COBL: variants seen among roughly 807,000 people sequenced by gnomAD.
COBL encodes cordon-bleu WH2 repeat protein.
In COBL, 51 loss-of-function variants were observed where a neutral mutation model predicts 98.8. The ratio of observed to expected loss-of-function variants is 0.52; its 90% CI spans 0.41 to 0.65. The LOEUF (loss-of-function observed/expected upper bound fraction) is 0.65. COBL is among the 30% of genes least tolerant of loss of function. COBL has a pLI of 0.00. For synonymous variants in COBL, 634 were observed against 651.7 expected (o/e 0.97, Z 0.41); for missense variants, 1,617 against 1,617.5 (o/e 1.00, Z 0.01).
intron 1 of COBL, among the ~76,000 whole-genome samples, chr7:51,251,382 G>A (rs780337303): frequency 6.6e-6 from 1 of 152,230 alleles, no homozygotes; most frequent in African/African-American, 2.4e-5. Flanking sequence ...TTGTTGGTGA[G>A]AGAGGATTCT....
At chr7:51,087,177 T>TTTCCTC (rs1794362703) in intron 6 of COBL, among the ~76,000 whole-genome samples, 1 of 149,678 alleles carries the variant, frequency 6.7e-6, no homozygotes, top group Non-Finnish European at 1.5e-5. Context: ...GACTCATACT[T>TTTCCTC]TTCCTCTCCA....
chr7:51,109,147 A>C (rs1015181381), intron 6 of COBL, among the ~76,000 whole-genome samples: 2 of 152,068 alleles, frequency 1.3e-5, no homozygotes, highest in Non-Finnish European at 2.9e-5. Flanking sequence ...CCCTCCTTGC[A>C]CTATGCGAGT....
chr7:51,117,055 G>C (rs1053051521), intron 6 of COBL, among the ~76,000 whole-genome samples: 3 of 151,556 alleles, frequency 2.0e-5, no homozygotes, highest in African/African-American at 7.3e-5. Flanking sequence ...TTTACATTAG[G>C]TATATCTCCT....
intron 5 of COBL, among the ~76,000 whole-genome samples, chr7:51,174,936 C>T (rs141560927): frequency 3.2e-4 from 48 of 152,288 alleles, no homozygotes; most frequent in African/African-American, 1.1e-3. Context: ...CAGAGTGCTC[C>T]TCACAACAGC....
At chr7:51,178,367 G>C (rs1466241502) in intron 5 of COBL, among the ~76,000 whole-genome samples, 7 of 152,130 alleles carry the variant, frequency 4.6e-5, no homozygotes, top group Admixed American at 4.6e-4. Flanking sequence ...AAGATTTATA[G>C]AAAACTTATC....
intron 1 of COBL, among the ~76,000 whole-genome samples, chr7:51,239,736 G>A (rs1482099738): frequency 6.6e-6 from 1 of 152,116 alleles, no homozygotes; most frequent in Non-Finnish European, 1.5e-5. Context: ...CACAGCCTCT[G>A]CCCAGCTCCA....
At chr7:51,127,588 G>A (rs1031750049) in intron 6 of COBL, among the ~76,000 whole-genome samples, 1 of 152,204 alleles carries the variant, frequency 6.6e-6, no homozygotes, top group Non-Finnish European at 1.5e-5. Context: ...TGTGTTCAAG[G>A]CAGACTTTTG....
At chr7:51,044,082 TAG>T (rs1371216339) in intron 7 of COBL, among the ~76,000 whole-genome samples, 1 of 152,244 alleles carries the variant, frequency 6.6e-6, no homozygotes, top group African/African-American at 2.4e-5. Context: ...TTAAGACAAT[TAG>T]AGTTTTTGGA....
intron 6 of COBL, among the ~76,000 whole-genome samples, chr7:51,106,499 T>A (rs1229821587): frequency 6.6e-6 from 1 of 152,024 alleles, no homozygotes; most frequent in Admixed American, 6.6e-5. Context: ...AGAAAAGAGT[T>A]CTCCCAGGGA....
intron 1 of COBL, among the ~76,000 whole-genome samples, chr7:51,233,001 T>C (rs1230519546): frequency 6.6e-6 from 1 of 152,166 alleles, no homozygotes; most frequent in East Asian, 1.9e-4. Flanking sequence ...CAGGAGTAAA[T>C]TTAACCACAC....
chr7:51,193,599 G>A lies in COBL; in HGVS notation c.246-10C>T, dbSNP rs765664203. The A allele has an allele frequency of 4.3e-6, 7 of 1,612,536 alleles. No individual in the cohort carries two copies. The East Asian group carries it at 1.3e-4, about 31-fold the overall frequency. On this transcript the variant is annotated splice_polypyrimidine_tract_variant and intron_variant, in intron 2 of 12. Coordinates refer to ENST00000265136, the MANE Select transcript of COBL (RefSeq NM_015198.5). ...GTCCATCATCGCATGGCTGAAAAAAGGAAAACAAATCATGATTATTAGGAA... is the reference window on the plus strand; with the variant it reads ...GTCCATCATCGCATGGCTGAAAAAAAGAAAACAAATCATGATTATTAGGAA...
intron 1 of COBL, among the ~76,000 whole-genome samples, chr7:51,280,469 A>G (rs1799721451): frequency 6.6e-6 from 1 of 152,210 alleles, no homozygotes; most frequent in Admixed American, 6.5e-5. Flanking sequence ...GGATCAGAGG[A>G]GCTGTGGTCC....
At chr7:51,200,425 C>T (rs947370744) in intron 2 of COBL, among the ~76,000 whole-genome samples, 9 of 152,164 alleles carry the variant, frequency 5.9e-5, no homozygotes, top group African/African-American at 2.2e-4. Context: ...AATATACCCA[C>T]ATAAATTTGC....
chr7:51,089,523 A>C (rs939424515), intron 6 of COBL, among the ~76,000 whole-genome samples: 2 of 149,236 alleles, frequency 1.3e-5, no homozygotes, highest in Admixed American at 6.7e-5. Flanking sequence ...TTAAAAAAAA[A>C]CAAAAAACAA....
intron 1 of COBL, among the ~76,000 whole-genome samples, chr7:51,268,874 G>A (rs1031710018): frequency 6.6e-6 from 1 of 150,568 alleles, no homozygotes; most frequent in African/African-American, 2.4e-5. Flanking sequence ...AGGTTGTGGT[G>A]AGCCAAGATC....
intron 7 of COBL, chr7:51,071,938 G>T: frequency 6.8e-6 from 1 of 147,192 alleles, no homozygotes; most frequent in East Asian, 2.0e-4. Flanking sequence ...TTTCTAACTT[G>T]TTCTATGTTT....
chr7:51,136,263 C>A lies in COBL; in HGVS notation c.852G>T (p.Ser284=), dbSNP rs201927430. The change falls in exon 6 of 13, where the codon TCG becomes TCT. Residue 284 remains serine, a synonymous_variant. Coordinates refer to ENST00000265136, the MANE Select transcript of COBL (RefSeq NM_015198.5). The part of the protein sequence containing the change: ...SRSLTLGPSL[S]LGSISGVSVK... ...CGGACACCCCTGAGATGCTGCCCAGCGAGAGGGATGGACCCAGCGTAAGAG... is the reference window on the plus strand; with the variant it reads ...CGGACACCCCTGAGATGCTGCCCAGAGAGAGGGATGGACCCAGCGTAAGAG... 1.2e-4 allele frequency: 197 copies of A among 1,613,888 alleles called. No homozygotes were observed. Among genetic ancestry groups the A allele is most frequent in the Non-Finnish European group, 1.5e-4 (182 of 1,180,032 alleles).
chr7:51,308,095 C>T (rs1802657281), intron 1 of COBL, among the ~76,000 whole-genome samples: 1 of 152,222 alleles, frequency 6.6e-6, no homozygotes, highest in South Asian at 2.1e-4. Context: ...AGGACCTGCC[C>T]TGCATGGCAA....
chr7:51,191,073 A>C lies in COBL; in HGVS notation c.462T>G (p.Ser154=). ...KPGPPKVPEK[S]VRLVVNYLRT... is the part of the protein sequence containing the mutation. The stretch of plus-strand genomic sequence containing the variant: ...GCAGGTAATTCACGACCAAACGCAC[A>C]GATTTCTGGAAGAACACACAGGCAA... Residue 154 remains serine, a synonymous_variant, in exon 4 of 13, where the codon TCT becomes TCG. Coordinates refer to ENST00000265136, the MANE Select transcript of COBL (RefSeq NM_015198.5). The C allele has an allele frequency of 6.2e-7, 1 of 1,613,830 alleles. No homozygotes were observed. Among genetic ancestry groups the C allele is most frequent in the Non-Finnish European group, 8.5e-7 (1 of 1,179,900 alleles).
Sources: gnomAD v4.1 joint callset for allele counts (sites outside exome capture counted in the v4.1 genomes callset) on GRCh38, gnomAD v4.1.1 for gene constraint, MANE v1.5 for transcripts, NCBI Gene and HGNC (gene_info 2026-07-23, HGNC 2026-07-21) for gene names.